Variants in BAZ2B observed in about 807,000 individuals in gnomAD.
BAZ2B encodes bromodomain adjacent to zinc finger domain 2B, also known as bromodomain adjacent to zinc finger domain protein 2B.
BAZ2B carries 91 observed loss-of-function variants against 246.0 expected under a neutral mutation model. The ratio of observed to expected loss-of-function variants is 0.37; its 90% CI spans 0.31 to 0.44. The LOEUF (loss-of-function observed/expected upper bound fraction) is 0.44. BAZ2B is among the 20% of genes least tolerant of loss of function. The pLI, the probability that BAZ2B is intolerant of heterozygous loss-of-function variation, is 1.00. For synonymous variants in BAZ2B, 855 were observed against 860.0 expected (o/e 0.99, Z 0.10); for missense variants, 2,332 against 2,533.7 (o/e 0.92, Z 1.71).
intron 4 of BAZ2B, among the ~76,000 whole-genome samples, chr2:159,451,704 T>G (rs564134152): frequency 6.6e-6 from 1 of 152,312 alleles, no homozygotes; most frequent in South Asian, 2.1e-4. Context: ...CCAAAGAATT[T>G]TGTACCTTAA....
intron 1 of BAZ2B, among the ~76,000 whole-genome samples, chr2:159,593,263 A>C (rs1004586618): frequency 6.6e-6 from 1 of 152,214 alleles, no homozygotes; most frequent in African/African-American, 2.4e-5. Flanking sequence ...ACTTTGACCA[A>C]ATCTCTGTAT....
intron 2 of BAZ2B, among the ~76,000 whole-genome samples, chr2:159,487,563 T>C (rs1447324870): frequency 6.6e-6 from 1 of 152,192 alleles, no homozygotes; most frequent in Non-Finnish European, 1.5e-5. Context: ...CACGGTATCT[T>C]AAATCTTATT....
intron 27 of BAZ2B, 70 bp downstream of exon 27, chr2:159,372,975 G>A (rs1458587611): frequency 6.8e-7 from 1 of 1,460,128 alleles, no homozygotes; most frequent in Non-Finnish European, 9.2e-7. Flanking sequence ...AAAATATATT[G>A]AAGAAGTAAC....
At position 159,563,363 on chromosome 2, in the gene BAZ2B, A is replaced by G. The variant is rs572399138; in HGVS notation, c.-45-7498T>C. Reference sequence around the variant, plus strand: ...CAGTATTTCTTCAGTTTGCAATACCATAATTATCGACTTCACAAGGGATAT... The same window carrying G: ...CAGTATTTCTTCAGTTTGCAATACCGTAATTATCGACTTCACAAGGGATAT... On this transcript the variant is annotated intron_variant, in intron 1 of 36. Coordinates refer to ENST00000392783, the MANE Select transcript of BAZ2B (RefSeq NM_013450.4). Among the ~76,000 whole-genome samples, 3 of 152,280 alleles carry G rather than the reference A, an allele frequency of 2.0e-5. No individual in the cohort carries two copies. In the South Asian group the frequency reaches 6.2e-4, roughly 32 times the overall value.
intron 2 of BAZ2B, among the ~76,000 whole-genome samples, chr2:159,522,502 C>T (rs2084239217): frequency 6.6e-6 from 1 of 152,122 alleles, no homozygotes; most frequent in Non-Finnish European, 1.5e-5. Context: ...ATTAAGTTTC[C>T]TGTTATATTT....
intron 3 of BAZ2B, among the ~76,000 whole-genome samples, chr2:159,478,141 A>G (rs1311004193): frequency 1.3e-5 from 2 of 152,110 alleles, no homozygotes; most frequent in African/African-American, 4.8e-5. Context: ...TATGCTCTAA[A>G]CTTTAAAAAT....
chr2:159,709,490 G>C, the BAZ2B span, among the ~76,000 whole-genome samples: 2 of 152,184 alleles, frequency 1.3e-5, no homozygotes, highest in Non-Finnish European at 2.9e-5. Flanking sequence ...AAATGTTCTA[G>C]ATGATGGTTA....
chr2:159,634,278 A>G, the BAZ2B span, among the ~76,000 whole-genome samples: 4 of 152,202 alleles, frequency 2.6e-5, no homozygotes, highest in Non-Finnish European at 4.4e-5. Context: ...TCATTTTTAG[A>G]AAACTTTTTT....
At chr2:159,557,137 TATTC>T (rs974047938) in intron 1 of BAZ2B, among the ~76,000 whole-genome samples, 19 of 134,658 alleles carry the variant, frequency 1.4e-4, no homozygotes, top group African/African-American at 5.5e-4. Flanking sequence ...TCCCTACTTC[TATTC>T]TTTTTTTTTT....
At chr2:159,623,073 A>C in the BAZ2B span, among the ~76,000 whole-genome samples, 1 of 142,360 alleles carries the variant, frequency 7.0e-6, no homozygotes, top group Non-Finnish European at 1.5e-5. Flanking sequence ...AGGGAAGAGA[A>C]GGGAAGGGAG....
the BAZ2B span, chr2:159,693,087 G>T: frequency 2.6e-5 from 4 of 152,144 alleles, no homozygotes; most frequent in Admixed American, 6.5e-5. Context: ...AAGCCACCAT[G>T]CCCAGCTTAT....
intron 6 of BAZ2B, among the ~76,000 whole-genome samples, chr2:159,443,655 G>C (rs1484287670): frequency 1.3e-5 from 2 of 152,054 alleles, no homozygotes; most frequent in African/African-American, 4.8e-5. Flanking sequence ...GAAATCATAA[G>C]TTCTAGTATG....
intron 2 of BAZ2B, among the ~76,000 whole-genome samples, chr2:159,483,226 C>G (rs1163744012): frequency 6.6e-6 from 1 of 151,994 alleles, no homozygotes; most frequent in Non-Finnish European, 1.5e-5. Context: ...AGAACAAGGT[C>G]TCTCTCTGTC....
chr2:159,560,470 G>A (rs1249167194), intron 1 of BAZ2B, among the ~76,000 whole-genome samples: 2 of 152,018 alleles, frequency 1.3e-5, no homozygotes, highest in Non-Finnish European at 2.9e-5. Flanking sequence ...TTGTTATCTT[G>A]GATTATGGAC....
the BAZ2B span, among the ~76,000 whole-genome samples, chr2:159,640,069 C>G: frequency 6.6e-6 from 1 of 151,854 alleles, no homozygotes; most frequent in East Asian, 1.9e-4. Context: ...TTGACATAGA[C>G]AAAATAGATT....
At chr2:159,357,779 T>C (rs938396052) in intron 27 of BAZ2B, among the ~76,000 whole-genome samples, 7 of 152,158 alleles carry the variant, frequency 4.6e-5, no homozygotes, top group African/African-American at 1.7e-4. Flanking sequence ...TGCAGAAACC[T>C]TACAAGCCAG....
chr2:159,479,024 T>C (rs975466974), intron 2 of BAZ2B, among the ~76,000 whole-genome samples: 4 of 152,152 alleles, frequency 2.6e-5, no homozygotes, highest in Non-Finnish European at 4.4e-5. Flanking sequence ...GTTATATTCG[T>C]CTTATTCATC....
At chr2:159,610,836 C>T (rs1694569782) in intron 1 of BAZ2B, among the ~76,000 whole-genome samples, 1 of 152,006 alleles carries the variant, frequency 6.6e-6, no homozygotes, top group South Asian at 2.1e-4. Flanking sequence ...TATATTTTCA[C>T]CTCATATTCT....
chr2:159,488,675 C>A lies in BAZ2B; in HGVS notation c.-2-9954G>T, dbSNP rs377227930. ...ATTTTCCACATTAAAAAATATTACA[C>A]AAAAATGAAACACACCCATTTTCTG... On this transcript the variant is annotated intron_variant, in intron 2 of 36. Coordinates refer to ENST00000392783, the MANE Select transcript of BAZ2B (RefSeq NM_013450.4). Among the ~76,000 whole-genome samples, 46 of 152,092 alleles carry A rather than the reference C, an allele frequency of 3.0e-4. 1 individual carries two copies. Among genetic ancestry groups the A allele is most frequent in the African/African-American group, 1.1e-3 (45 of 41,498 alleles).
Sources: gnomAD v4.1 joint callset for allele counts (sites outside exome capture counted in the v4.1 genomes callset) on GRCh38, gnomAD v4.1.1 for gene constraint, MANE v1.5 for transcripts, NCBI Gene and HGNC (gene_info 2026-07-23, HGNC 2026-07-21) for gene names.